The following SCAI variants were observed in gnomAD, a reference collection of about 807,000 sequenced individuals.
SCAI encodes the protein protein SCAI.
SCAI carries 24 observed loss-of-function variants against 92.2 expected under a neutral mutation model. The ratio of observed to expected loss-of-function variants is 0.26; its 90% CI spans 0.19 to 0.37. The LOEUF is 0.37. SCAI is among the 10% of genes least tolerant of loss of function. The pLI is 1.00. For missense variants in SCAI, 450 were observed against 736.2 expected, an observed-to-expected ratio of 0.61 and a Z score of 4.50; for synonymous variants, 261 against 258.6, an observed-to-expected ratio of 1.01 and a Z score of -0.09.
chr9:124,981,299 A>C (rs1390900772), intron 14 of SCAI, among the ~76,000 whole-genome samples: 1 of 152,202 alleles, frequency 6.6e-6, no homozygotes, highest in Non-Finnish European at 1.5e-5. Flanking sequence ...TACCGTCTGC[A>C]ACTAGTGGTT....
intron 9 of SCAI, among the ~76,000 whole-genome samples, chr9:125,007,676 T>A (rs1458336051): frequency 6.6e-6 from 1 of 151,924 alleles, no homozygotes; most frequent in Admixed American, 6.6e-5. Flanking sequence ...AAATTTTTTT[T>A]AAGACAGGGT....
chr9:125,029,620 C>T, intron 4 of SCAI, 24 bp downstream of exon 4: 1 of 1,497,834 alleles, frequency 6.7e-7, no homozygotes, highest in South Asian at 1.1e-5. Flanking sequence ...CCTTCACTCT[C>T]CTTTAACTAT....
In SCAI at chr9:124,943,313, C is replaced by G. The variant is rs1031794711; in HGVS notation, c.*9494G>C. The G allele has an allele frequency of 1.3e-5, 2 of 152,154 alleles. No homozygotes were observed. The highest frequency in any genetic ancestry group is 4.8e-5 in the African/African-American group (2 of 41,418). The allele number at this position is 152,154 out of a possible 1,614,324, so 9.4% of individuals were successfully genotyped here. On this transcript the variant is annotated 3_prime_UTR_variant, in exon 18 of 18. Coordinates refer to ENST00000336505, the MANE Select transcript of SCAI (RefSeq NM_001144877.3). Reference sequence around the variant, plus strand: ...AATCCAAACAGTTTTGCTAACGGGGCTGAGTTGATGGATTTTTTTCTAAAG... The same window carrying G: ...AATCCAAACAGTTTTGCTAACGGGGGTGAGTTGATGGATTTTTTTCTAAAG...
intron 2 of SCAI, among the ~76,000 whole-genome samples, chr9:125,107,407 C>CAAA (rs80318027): frequency 1.4e-5 from 1 of 72,828 alleles, no homozygotes. Flanking sequence ...GACACTGTCT[C>CAAA]AAAAAAAAAA....
At chr9:125,133,501 G>A (rs906167946) in intron 2 of SCAI, among the ~76,000 whole-genome samples, 10 of 152,108 alleles carry the variant, frequency 6.6e-5, no homozygotes, top group Non-Finnish European at 1.3e-4. Context: ...CAAAAGATTT[G>A]GATACTTCAC....
At chr9:124,968,972 AGTG>A in intron 17 of SCAI, 1 of 393,746 alleles carries the variant, frequency 2.5e-6, no homozygotes, top group Non-Finnish European at 4.7e-6. Flanking sequence ...CTGTGTCTTA[AGTG>A]GAACTGCACA....
chr9:125,021,064 C>T (rs1321144398), intron 6 of SCAI, among the ~76,000 whole-genome samples: 2 of 152,078 alleles, frequency 1.3e-5, no homozygotes, highest in Non-Finnish European at 2.9e-5. Flanking sequence ...AAAGATCTTA[C>T]AGACAGAAAA....
intron 2 of SCAI, among the ~76,000 whole-genome samples, chr9:125,089,969 G>A (rs934155215): frequency 6.6e-6 from 1 of 152,152 alleles, no homozygotes; most frequent in Non-Finnish European, 1.5e-5. Context: ...AATGAGTGCT[G>A]GGAAATAAAG....
intron 11 of SCAI, among the ~76,000 whole-genome samples, chr9:125,002,596 C>A (rs552077931): frequency 6.7e-6 from 1 of 149,798 alleles, no homozygotes; most frequent in Non-Finnish European, 1.5e-5. Flanking sequence ...AATTCTCCTT[C>A]CTCAGCCTCC....
chr9:125,071,217 A>G (rs999861814), intron 2 of SCAI, among the ~76,000 whole-genome samples: 1 of 152,122 alleles, frequency 6.6e-6, no homozygotes, highest in African/African-American at 2.4e-5. Flanking sequence ...TACTATCACA[A>G]GACTCTATCT....
intron 3 of SCAI, among the ~76,000 whole-genome samples, chr9:125,046,196 G>GATTATATATATATAT (rs1554784576): frequency 3.9e-5 from 2 of 51,868 alleles, no homozygotes; most frequent in African/African-American, 7.5e-5. Context: ...GAAATTGTGA[G>GATTATATATATATAT]ATATATATAT....
At chr9:124,992,477 G>A (rs139293998) in intron 14 of SCAI, among the ~76,000 whole-genome samples, 2,407 of 151,238 alleles carry the variant, frequency 0.016, 95 homozygotes, top group Admixed American at 0.086. Flanking sequence ...TCCATCTCCC[G>A]GGTTCAAGCG....
At chr9:124,955,135 T>G (rs1000833072) in intron 17 of SCAI, among the ~76,000 whole-genome samples, 14 of 141,898 alleles carry the variant, frequency 9.9e-5, no homozygotes, top group African/African-American at 3.7e-4. Context: ...GCCACTGCAC[T>G]CCAGCCTAGG....
intron 2 of SCAI, among the ~76,000 whole-genome samples, chr9:125,081,873 G>A (rs1442159428): frequency 2.6e-5 from 4 of 152,116 alleles, no homozygotes; most frequent in Non-Finnish European, 4.4e-5. Flanking sequence ...CTGGTCCTAG[G>A]CACTCAGTTT....
chr9:125,003,364 G>A, intron 10 of SCAI, 105 bp downstream of exon 10: 1 of 1,018,064 alleles, frequency 9.8e-7, no homozygotes, highest in East Asian at 2.4e-5. Context: ...CTCATCAAGT[G>A]AATTCTTTAT....
chr9:125,023,522 A>T (rs1832909117), intron 6 of SCAI, among the ~76,000 whole-genome samples: 3 of 152,190 alleles, frequency 2.0e-5, no homozygotes. Context: ...TTGATTAAAA[A>T]ATAGGTTCTA....
chr9:124,982,848 C>A (rs1831914621), intron 14 of SCAI, among the ~76,000 whole-genome samples: 1 of 152,062 alleles, frequency 6.6e-6, no homozygotes. Context: ...GAAATTATTT[C>A]TTTAACTGGG....
chr9:125,035,986 C>T (rs1236672812), intron 3 of SCAI, among the ~76,000 whole-genome samples: 1 of 152,118 alleles, frequency 6.6e-6, no homozygotes, highest in East Asian at 1.9e-4. Context: ...CTCTAATAAA[C>T]TTGTTTTTAC....
intron 5 of SCAI, among the ~76,000 whole-genome samples, 154 bp downstream of exon 5, chr9:125,028,235 CACA>C (rs1833000460): frequency 6.6e-6 from 1 of 152,200 alleles, no homozygotes; most frequent in South Asian, 2.1e-4. Context: ...AAGGTTATTG[CACA>C]ACATTGTCTT....
Sources: gnomAD v4.1 joint callset for allele counts (sites outside exome capture counted in the v4.1 genomes callset) on GRCh38, gnomAD v4.1.1 for gene constraint, MANE v1.5 for transcripts, NCBI Gene and HGNC (gene_info 2026-07-23, HGNC 2026-07-21) for gene names.